Variants in MED15 observed in about 807,000 individuals in gnomAD.
MED15 encodes the protein mediator complex subunit 15.
A neutral mutation model predicts 118.7 loss-of-function variants in MED15; 41 were observed. The ratio of observed to expected loss-of-function variants is 0.35; its 90% CI spans 0.27 to 0.45. The LOEUF (loss-of-function observed/expected upper bound fraction) is 0.45, where lower values mean the gene tolerates loss of function less well. Among genes scored for constraint, MED15 ranks in the 20% least tolerant of loss-of-function variants. MED15 has a pLI of 1.00. For synonymous variants in MED15, 436 were observed against 413.9 expected (o/e 1.05, Z -0.65); for missense variants, 740 against 1,025.5 (o/e 0.72, Z 3.80).
At chr22:20,570,902 C>T (rs534333190) in intron 8 of MED15, among the ~76,000 whole-genome samples, 98 of 151,780 alleles carry the variant, frequency 6.5e-4, no homozygotes, top group African/African-American at 2.3e-3. Context: ...GTAGCTGGGA[C>T]TACAGGCATG....
intron 4 of MED15, chr22:20,554,203 T>A (rs1179899853): frequency 6.6e-6 from 1 of 152,314 alleles, no homozygotes; most frequent in Non-Finnish European, 1.5e-5. Context: ...CCCCTTGGCA[T>A]TGGAGCATGG....
intron 2 of MED15, among the ~76,000 whole-genome samples, chr22:20,541,189 A>G (rs765849954): frequency 1.5e-4 from 23 of 152,198 alleles, no homozygotes; most frequent in Non-Finnish European, 2.4e-4. Context: ...CAGTGAGCCA[A>G]GATCATGCCA....
rs935916679 is a variant in MED15 at position 20,585,656 on chromosome 22, TC to T, written c.2132-70del. ...AACCTCCCTGGGTGTGGAGTCCTGT[TC>T]CAGAGCAGGGCTGTGAGGCAGGGCA... On this transcript the variant is annotated intron_variant, in intron 16 of 17. Coordinates refer to ENST00000263205, the MANE Select transcript of MED15 (RefSeq NM_001003891.3). 31 of 1,425,204 alleles carry T rather than the reference TC, an allele frequency of 2.2e-5. No individual in the cohort carries two copies. The African/African-American group carries it at 2.7e-4, about 12-fold the overall frequency. 88.3% of individuals were successfully genotyped at this position (1,425,204 alleles called of 1,614,324 possible). A position where few individuals can be genotyped will look rare whatever the true frequency, so the allele number is the denominator to read the frequency against.
chr22:20,567,508 C>G (rs1008377777), intron 7 of MED15, among the ~76,000 whole-genome samples: 10 of 152,086 alleles, frequency 6.6e-5, no homozygotes, highest in African/African-American at 2.4e-4. Context: ...TGGGGGTGAA[C>G]AAGAGGCCTC....
rs998204752 is a variant in MED15, at chr22:20,585,219, C to T, written c.2083C>T (p.Pro695Ser). 6.2e-7 allele frequency: 1 copy of T among 1,613,698 alleles called. No homozygotes were observed. Among genetic ancestry groups the T allele is most frequent in the Non-Finnish European group, 8.5e-7 (1 of 1,180,000 alleles). The change falls in exon 16 of 18, where the codon CCT becomes TCT. Residue 695 changes from proline (P) to serine (S), a missense_variant. Around this residue, in one of 7 missense-constraint regions of MED15, gnomAD observed 179 missense variants for 259.0 expected, o/e 0.69. Transcript: ENST00000263205. ...LDPKFLVNLD[P>S]SHCSNNGTVH... ...CCCCAAGTTCCTGGTAAACCTGGAC[C>T]CTTCTCACTGCAGCAACAATGGCAC...
chr22:20,582,752 G>A lies in MED15; in HGVS notation c.1409+5G>A. ...ACAGCCCAACTCCAACGTCAGGTAG[G>A]CCTGGCCTGGGGTGCCCCTCCCCAC... On this transcript the variant is annotated splice_donor_5th_base_variant and intron_variant, in intron 10 of 17. Transcript: ENST00000263205. The A allele has an allele frequency of 6.3e-7, 1 of 1,589,028 alleles. No individual in the cohort carries two copies. Among genetic ancestry groups the A allele is most frequent in the Non-Finnish European group, 8.5e-7 (1 of 1,171,946 alleles).
Position 20,543,111 on chromosome 22 carries a change from TTGTGTGTGTGTGTGTGTGTGTGTGTG to T in MED15, c.156+5923_156+5948del, listed in dbSNP as rs61279859. On this transcript the variant is annotated intron_variant, in intron 2 of 17. Coordinates refer to ENST00000263205, the MANE Select transcript of MED15 (RefSeq NM_001003891.3). ...TCTTCCCTCAATTTCTCTCTCTTCT[TTGTGTGTGTGTGTGTGTGTGTGTGTG>T]TGTGTGTGTGTGTGTATTTTTAAAA... Among the ~76,000 whole-genome samples the T allele has an allele frequency of 9.4e-3, 1,328 of 141,268 alleles. 11 individuals carry two copies. Among genetic ancestry groups the T allele is most frequent in the Non-Finnish European group, 0.015 (1,000 of 66,476 alleles). The allele number at this position is 141,268 out of a possible 152,430, so 92.7% of individuals were successfully genotyped here.
chr22:20,555,294 T>C lies in MED15; in HGVS notation c.451+146T>C, dbSNP rs1044689235. ...TTGTTTTTTAAATCTTTGTTGTATGTGGAGAGAAAAGGCTTCCAATTTTCG... is the reference window on the plus strand; with the variant it reads ...TTGTTTTTTAAATCTTTGTTGTATGCGGAGAGAAAAGGCTTCCAATTTTCG... On this transcript the variant is annotated intron_variant, in intron 5 of 17. Coordinates refer to ENST00000263205, the MANE Select transcript of MED15 (RefSeq NM_001003891.3). 32 of 970,768 alleles carry C rather than the reference T, an allele frequency of 3.3e-5. No homozygotes were observed. The Admixed American group carries it at 9.2e-4, about 28-fold the overall frequency. The allele number at this position is 970,768 out of a possible 1,614,324, so 60.1% of individuals were successfully genotyped here.
chr22:20,585,236 C>T lies in MED15; in HGVS notation c.2100C>T (p.Asn700=). The change falls in exon 16 of 18, where the codon AAC becomes AAT. Residue 700 remains asparagine, a synonymous_variant. Coordinates refer to ENST00000263205, the MANE Select transcript of MED15 (RefSeq NM_001003891.3). ...ACCTGGACCCTTCTCACTGCAGCAA[C>T]AATGGCACTGTCCACCTGATCTGCA... ...LVNLDPSHCS[N]NGTVHLICKL... The T allele has an allele frequency of 7.4e-6, 12 of 1,613,662 alleles. No individual in the cohort carries two copies. The highest frequency in any genetic ancestry group is 8.5e-6 in the Non-Finnish European group (10 of 1,179,992).
intron 2 of MED15, among the ~76,000 whole-genome samples, chr22:20,538,182 C>T (rs1044646258): frequency 6.6e-5 from 10 of 151,936 alleles, no homozygotes; most frequent in East Asian, 5.8e-4. Flanking sequence ...TTTGGCCCTA[C>T]GCCATCCTCT....
intron 8 of MED15, among the ~76,000 whole-genome samples, chr22:20,570,738 C>CTTTTTTT: frequency 1.1e-5 from 1 of 90,984 alleles, no homozygotes; most frequent in Non-Finnish European, 2.1e-5. Context: ...TTCTTTCTTT[C>CTTTTTTT]TTTCTTTCTT....
chr22:20,561,945 T>G (rs2056259706), intron 5 of MED15, among the ~76,000 whole-genome samples: 1 of 152,186 alleles, frequency 6.6e-6, no homozygotes, highest in African/African-American at 2.4e-5. Context: ...GAGCCATGAT[T>G]GCACTATTGC....
At chr22:20,564,260 A>C (rs574837114) in intron 5 of MED15, among the ~76,000 whole-genome samples, 190 bp from the exon 6 acceptor site, 1 of 152,314 alleles carries the variant, frequency 6.6e-6, no homozygotes, top group South Asian at 2.1e-4. Flanking sequence ...TCATGATAGG[A>C]AATCCCAAAA....
chr22:20,578,884 C>G (rs889837265), intron 9 of MED15, among the ~76,000 whole-genome samples: 1 of 151,776 alleles, frequency 6.6e-6, no homozygotes, highest in Non-Finnish European at 1.5e-5. Context: ...GGGCTCTTCT[C>G]CAGAGGGCAG....
At chr22:20,581,725 G>A (rs1268183170) in intron 9 of MED15, among the ~76,000 whole-genome samples, 2 of 152,180 alleles carry the variant, frequency 1.3e-5, no homozygotes, top group Non-Finnish European at 2.9e-5. Flanking sequence ...AGGTGTGGGT[G>A]TTTTACATAT....
At chr22:20,581,150 G>A (rs1442838690) in intron 9 of MED15, among the ~76,000 whole-genome samples, 1 of 152,228 alleles carries the variant, frequency 6.6e-6, no homozygotes, top group East Asian at 1.9e-4. Flanking sequence ...AGCACACGTG[G>A]TTCAGGAACG....
intron 14 of MED15, 129 bp downstream of exon 14, chr22:20,584,554 C>T (rs2057078541): frequency 6.2e-6 from 7 of 1,129,484 alleles, no homozygotes; most frequent in East Asian, 2.4e-5. Flanking sequence ...ACCCTGCCCA[C>T]GAGGCTTCCT....
intron 2 of MED15, among the ~76,000 whole-genome samples, chr22:20,540,818 A>G (rs1333014582): frequency 6.6e-6 from 1 of 152,090 alleles, no homozygotes; most frequent in Non-Finnish European, 1.5e-5. Context: ...AACCCATGGG[A>G]TGGGAGAAAA....
chr22:20,545,789 C>T (rs2055510221), intron 2 of MED15, among the ~76,000 whole-genome samples: 1 of 152,040 alleles, frequency 6.6e-6, no homozygotes, highest in South Asian at 2.1e-4. Context: ...GCTATGGATA[C>T]TATCATGGAA....
Sources: gnomAD v4.1 joint callset for allele counts (sites outside exome capture counted in the v4.1 genomes callset) on GRCh38, gnomAD v4.1.1 for gene constraint, gnomAD v4.1.1 regional missense constraint, MANE v1.5 for transcripts, NCBI Gene and HGNC (gene_info 2026-07-23, HGNC 2026-07-21) for gene names.